ATF1: variants seen among roughly 807,000 people sequenced by gnomAD.
ATF1 encodes the protein cyclic AMP-dependent transcription factor ATF-1.
A neutral mutation model predicts 34.7 loss-of-function variants in ATF1; 16 were observed. The ratio of observed to expected loss-of-function variants is 0.46; its 90% confidence interval spans 0.31 to 0.70. The LOEUF (loss-of-function observed/expected upper bound fraction) is 0.70. Ranked by LOEUF, ATF1 falls within the 30% of genes least tolerant of loss-of-function variation. ATF1 has a pLI of 0.05. For missense variants in ATF1, 255 were observed against 321.6 expected, an observed-to-expected ratio of 0.79 and a Z score of 1.58; for synonymous variants, 105 against 113.1, an observed-to-expected ratio of 0.93 and a Z score of 0.46.
At chr12:50,810,487 C>T (rs1273635150) in intron 4 of ATF1, among the ~76,000 whole-genome samples, 3 of 152,178 alleles carry the variant, frequency 2.0e-5, no homozygotes, top group Non-Finnish European at 4.4e-5. Flanking sequence ...TCCCAAAGTG[C>T]TGGGATTACA....
intron 1 of ATF1, 183 bp downstream of exon 1, chr12:50,764,490 G>A (rs1452420792): frequency 1.3e-5 from 2 of 151,996 alleles, no homozygotes; most frequent in African/African-American, 4.8e-5. Context: ...TCCGCGCCTC[G>A]GTGCAGAGCT....
chr12:50,770,712 C>G (rs1940748278), intron 1 of ATF1, among the ~76,000 whole-genome samples: 1 of 152,168 alleles, frequency 6.6e-6, no homozygotes, highest in Non-Finnish European at 1.5e-5. Context: ...GTTTCAAAAA[C>G]TATGGTACAC....
chr12:50,786,002 A>T (rs1592179201), intron 2 of ATF1, among the ~76,000 whole-genome samples: 1 of 152,158 alleles, frequency 6.6e-6, no homozygotes, highest in Non-Finnish European at 1.5e-5. Flanking sequence ...CCCACTCTCA[A>T]GGGGAGAGGA....
At chr12:50,785,254 C>A in intron 2 of ATF1, among the ~76,000 whole-genome samples, 1 of 146,276 alleles carries the variant, frequency 6.8e-6, no homozygotes, top group Admixed American at 7.0e-5. Context: ...TAGACTCACC[C>A]CATCTCAAAA....
At chr12:50,815,873 C>T (rs949950385) in intron 6 of ATF1, among the ~76,000 whole-genome samples, 4 of 152,144 alleles carry the variant, frequency 2.6e-5, no homozygotes, top group Non-Finnish European at 5.9e-5. Context: ...ACTATGTGTC[C>T]ATCAGTGGAT....
chr12:50,789,044 G>A (rs1033646356), intron 2 of ATF1, among the ~76,000 whole-genome samples: 4 of 151,928 alleles, frequency 2.6e-5, no homozygotes, highest in Non-Finnish European at 5.9e-5. Flanking sequence ...CTGATACGTA[G>A]TTCAGTGTTA....
intron 1 of ATF1, among the ~76,000 whole-genome samples, chr12:50,779,071 C>A (rs949856528): frequency 4.6e-5 from 7 of 152,208 alleles, no homozygotes; most frequent in Admixed American, 4.6e-4. Flanking sequence ...CAAGGTTCAT[C>A]CATGCTGTAG....
chr12:50,796,125 G>T (rs1252648781), intron 3 of ATF1, 116 bp downstream of exon 3: 65 of 886,810 alleles, frequency 7.3e-5, no homozygotes, highest in Non-Finnish European at 1.0e-4. Flanking sequence ...GAATGAAATT[G>T]GTTGGCCCTC....
chr12:50,781,460 TTGTTTTTCAAGGCAGGG>T (rs1941058983), intron 2 of ATF1, among the ~76,000 whole-genome samples: 1 of 152,172 alleles, frequency 6.6e-6, no homozygotes, highest in South Asian at 2.1e-4. Flanking sequence ...GTTTTTGTTT[TTGTTTTTCAAGGCAGGG>T]TTTCGCTCTG....
chr12:50,814,820 C>CTT (rs35936124), intron 6 of ATF1, among the ~76,000 whole-genome samples: 40 of 140,626 alleles, frequency 2.8e-4, no homozygotes, highest in South Asian at 4.5e-4. Context: ...ATACCTTCTA[C>CTT]TTTTTTTTTT....
intron 5 of ATF1, 34 bp from the exon 6 acceptor site, chr12:50,814,246 C>G (rs200931165): frequency 4.3e-6 from 7 of 1,613,306 alleles, no homozygotes; most frequent in East Asian, 2.2e-5. Context: ...GAGACACTTA[C>G]TAACTAACTC....
intron 6 of ATF1, among the ~76,000 whole-genome samples, chr12:50,819,366 T>C (rs1941903541): frequency 6.6e-6 from 1 of 151,788 alleles, no homozygotes; most frequent in Non-Finnish European, 1.5e-5. Context: ...AAACGATAGT[T>C]GCTTGGAAGG....
chr12:50,763,707 G>C (rs186933533), upstream of ATF1: 8 of 151,608 alleles, frequency 5.3e-5, no homozygotes, highest in African/African-American at 1.9e-4. Flanking sequence ...CCTTCCAAGA[G>C]GACAGGGCCG....
chr12:50,775,403 C>T (rs535405489), intron 1 of ATF1, among the ~76,000 whole-genome samples: 1 of 152,142 alleles, frequency 6.6e-6, no homozygotes, highest in Admixed American at 6.6e-5. Context: ...TGCTGTCACC[C>T]AGGCTGGAAT....
At chr12:50,765,265 C>A (rs1940603973) in intron 1 of ATF1, among the ~76,000 whole-genome samples, 1 of 152,184 alleles carries the variant, frequency 6.6e-6, no homozygotes. Context: ...TTTTTGTTAA[C>A]AGAAATGCGT....
At position 50,809,471 on chromosome 12, in the gene ATF1, C is replaced by T. The variant is rs376721559; in HGVS notation, c.210C>T (p.Asp70=). 44 of 1,608,918 alleles carry T rather than the reference C, an allele frequency of 2.7e-5. No individual in the cohort carries two copies. The highest frequency in any genetic ancestry group is 3.6e-5 in the Non-Finnish European group (42 of 1,177,828). The change falls in exon 4 of 7, where the codon GAC becomes GAT. Residue 70 remains aspartate (D), a synonymous_variant. Transcript: ENST00000262053. ...TTTTTTACAGAAAAATTTTGAAAGA[C>T]TTATCTTCTGAAGATACACGGGGCA... The part of the protein sequence containing the change: ...RRPSYRKILK[D]LSSEDTRGRK...
intron 2 of ATF1, among the ~76,000 whole-genome samples, chr12:50,781,640 C>T (rs759289082): frequency 4.6e-5 from 7 of 151,824 alleles, no homozygotes; most frequent in Non-Finnish European, 1.0e-4. Flanking sequence ...TTGGTAGAGA[C>T]GGGGTTTCAC....
intron 2 of ATF1, among the ~76,000 whole-genome samples, chr12:50,793,920 A>G (rs1400674078): frequency 1.3e-5 from 2 of 151,980 alleles, no homozygotes; most frequent in Non-Finnish European, 2.9e-5. Flanking sequence ...TGTCCCTTCT[A>G]AAGGCCTGTT....
Position 50,809,604 on chromosome 12 carries a change from C to A in ATF1, c.328+15C>A. ...CGGACAGTACAGTATGTATAGGAAT[C>A]AGTTTCCACATTATAAACACACAAA... On this transcript the variant is annotated intron_variant, in intron 4 of 6. Coordinates refer to ENST00000262053, the MANE Select transcript of ATF1 (RefSeq NM_005171.5). 1 of 1,594,564 alleles carries A rather than the reference C, an allele frequency of 6.3e-7. No individual in the cohort carries two copies.
Sources: gnomAD v4.1 joint callset for allele counts (sites outside exome capture counted in the v4.1 genomes callset) on GRCh38, gnomAD v4.1.1 for gene constraint, MANE v1.5 for transcripts, NCBI Gene and HGNC (gene_info 2026-07-23, HGNC 2026-07-21) for gene names.